The following EDN1 variants were observed in gnomAD, a reference collection of about 807,000 sequenced individuals.
EDN1 encodes the protein endothelin-1.
EDN1 carries 11 observed loss-of-function variants against 21.7 expected under a neutral mutation model. That is an observed-to-expected ratio of 0.51 (90% CI 0.32 to 0.84). The LOEUF (loss-of-function observed/expected upper bound fraction) is 0.84. Among genes scored for constraint, EDN1 ranks in the 40% least tolerant of loss-of-function variants. EDN1 has a pLI of 0.03. For missense variants in EDN1, 244 were observed against 262.3 expected (o/e 0.93, Z 0.48); for synonymous variants, 85 against 90.6 (o/e 0.94, Z 0.35).
chr6:12,287,266 C>T (rs1438948963), upstream of EDN1, among the ~76,000 whole-genome samples: 1 of 152,078 alleles, frequency 6.6e-6, no homozygotes, highest in African/African-American at 2.4e-5. Flanking sequence ...AGCATTTTCC[C>T]CCTGCAGTCC....
chr6:12,278,948 T>C, the EDN1 span, among the ~76,000 whole-genome samples: 7 of 152,162 alleles, frequency 4.6e-5, no homozygotes, highest in Non-Finnish European at 8.8e-5. Context: ...TTGAGTCCTT[T>C]ATGAAGTTTA....
chr6:12,233,027 C>T, the EDN1 span, among the ~76,000 whole-genome samples: 1 of 152,204 alleles, frequency 6.6e-6, no homozygotes, highest in African/African-American at 2.4e-5. Context: ...AGAAAACAAT[C>T]TTAGAGCTAA....
chr6:12,234,543 G>T, the EDN1 span, among the ~76,000 whole-genome samples: 1 of 152,188 alleles, frequency 6.6e-6, no homozygotes, highest in Non-Finnish European at 1.5e-5. Context: ...CAGACAAATG[G>T]CTGGGCTTGG....
At chr6:12,233,454 G>T in the EDN1 span, among the ~76,000 whole-genome samples, 93 of 152,274 alleles carry the variant, frequency 6.1e-4, 2 homozygotes, top group South Asian at 0.019. Flanking sequence ...ATTGCCCAAG[G>T]TCATGTCCAG....
the EDN1 span, among the ~76,000 whole-genome samples, chr6:12,284,740 G>GAAAGAAAGA: frequency 4.7e-5 from 4 of 85,282 alleles, no homozygotes; most frequent in African/African-American, 2.0e-4. Context: ...AGGAAGGAAG[G>GAAAGAAAGA]AAGGAAGGAA....
At chr6:12,232,882 C>A in the EDN1 span, among the ~76,000 whole-genome samples, 4 of 152,102 alleles carry the variant, frequency 2.6e-5, no homozygotes, top group Admixed American at 6.5e-5. Context: ...AGACGACTGG[C>A]AAACTTTCTT....
At chr6:12,272,667 A>G in the EDN1 span, among the ~76,000 whole-genome samples, 1 of 148,240 alleles carries the variant, frequency 6.7e-6, no homozygotes, top group Non-Finnish European at 1.5e-5. Flanking sequence ...GGGTTTCACC[A>G]TGTTGGCCAA....
the EDN1 span, among the ~76,000 whole-genome samples, chr6:12,258,872 T>G: frequency 6.6e-5 from 10 of 152,180 alleles, no homozygotes. Flanking sequence ...ACATCATCTG[T>G]GTGCAGCATG....
At chr6:12,238,793 A>G in the EDN1 span, among the ~76,000 whole-genome samples, 1 of 152,210 alleles carries the variant, frequency 6.6e-6, no homozygotes, top group East Asian at 1.9e-4. Context: ...GCAACCAAGC[A>G]TTTCCTTTAG....
At chr6:12,249,367 G>A in the EDN1 span, among the ~76,000 whole-genome samples, 2 of 151,930 alleles carry the variant, frequency 1.3e-5, no homozygotes, top group African/African-American at 4.8e-5. Context: ...TACATTATAT[G>A]GATTGTAAAA....
upstream of EDN1, among the ~76,000 whole-genome samples, chr6:12,289,425 G>A (rs984560620): frequency 5.9e-5 from 9 of 151,912 alleles, no homozygotes; most frequent in African/African-American, 1.7e-4. Flanking sequence ...GACCCTCCTC[G>A]GCCCCCAAGC....
upstream of EDN1, among the ~76,000 whole-genome samples, chr6:12,285,997 T>C (rs1184496391): frequency 6.6e-6 from 1 of 152,214 alleles, no homozygotes; most frequent in Non-Finnish European, 1.5e-5. Context: ...CCAACCATAA[T>C]TTCATGTACA....
At chr6:12,243,523 T>C in the EDN1 span, among the ~76,000 whole-genome samples, 5 of 152,206 alleles carry the variant, frequency 3.3e-5, no homozygotes, top group African/African-American at 1.2e-4. Flanking sequence ...CTCAGGACTG[T>C]GAGTTCCAAG....
the EDN1 span, among the ~76,000 whole-genome samples, chr6:12,232,833 C>CTTCA: frequency 6.6e-6 from 1 of 152,152 alleles, no homozygotes; most frequent in Non-Finnish European, 1.5e-5. Context: ...TGGGTACAGC[C>CTTCA]TTCACATCAA....
intron 4 of EDN1, among the ~76,000 whole-genome samples, chr6:12,294,920 C>CTTTTT (rs61701314): frequency 0.5 from 52,876 of 106,622 alleles, 14,115 homozygotes; most frequent in East Asian, 0.62. Flanking sequence ...GGTTTATGGT[C>CTTTTT]TTTTTTTTTT....
chr6:12,252,953 G>A, the EDN1 span, among the ~76,000 whole-genome samples: 1 of 152,172 alleles, frequency 6.6e-6, no homozygotes, highest in Non-Finnish European at 1.5e-5. Context: ...TGAAGAAACT[G>A]AAATCCAACT....
chr6:12,261,602 A>G, the EDN1 span, among the ~76,000 whole-genome samples: 1 of 152,234 alleles, frequency 6.6e-6, no homozygotes, highest in African/African-American at 2.4e-5. Flanking sequence ...CTGAATATTC[A>G]CACAGGGGAT....
intron 3 of EDN1, 77 bp downstream of exon 3, chr6:12,294,173 G>A (rs1581887356): frequency 1.2e-6 from 2 of 1,613,434 alleles, no homozygotes; most frequent in Admixed American, 1.7e-5. Context: ...CTGCCTTCCT[G>A]TTTTAGAGAG....
At chr6:12,295,104 T>C (rs1302760173) in intron 4 of EDN1, among the ~76,000 whole-genome samples, 1 of 152,110 alleles carries the variant, frequency 6.6e-6, no homozygotes, top group Non-Finnish European at 1.5e-5. Context: ...CTAAACTTTT[T>C]GGAATTCACA....
Sources: gnomAD v4.1 joint callset for allele counts (sites outside exome capture counted in the v4.1 genomes callset) on GRCh38, gnomAD v4.1.1 for gene constraint, MANE v1.5 for transcripts, NCBI Gene and HGNC (gene_info 2026-07-23, HGNC 2026-07-21) for gene names.